RAPGEF6: variants seen among roughly 807,000 people sequenced by gnomAD.
RAPGEF6 encodes the protein PDZ domain containing guanine nucleotide exchange factor (GEF) 2.
Under a neutral mutation model 171.4 loss-of-function variants are expected in RAPGEF6, and 56 were observed. The ratio of observed to expected loss-of-function variants is 0.33; its 90% CI spans 0.26 to 0.41. The LOEUF is 0.41. Among genes scored for constraint, RAPGEF6 ranks in the 10% least tolerant of loss-of-function variants. The pLI, the probability that RAPGEF6 is intolerant of heterozygous loss-of-function variation, is 1.00. For synonymous variants in RAPGEF6, 692 were observed against 650.1 expected (o/e 1.06, Z -0.98); for missense variants, 1,674 against 1,921.4 (o/e 0.87, Z 2.41).
chr5:131,553,380 A>G (rs1581014617), intron 5 of RAPGEF6, among the ~76,000 whole-genome samples: 1 of 152,356 alleles, frequency 6.6e-6, no homozygotes, highest in East Asian at 1.9e-4. Flanking sequence ...CCAACATTAA[A>G]TCCAAAATTA....
At chr5:131,561,594 A>AG (rs1309311955) in intron 5 of RAPGEF6, among the ~76,000 whole-genome samples, 2 of 143,880 alleles carry the variant, frequency 1.4e-5, no homozygotes, top group Non-Finnish European at 1.5e-5. Context: ...TAGGAGGCGG[A>AG]GGTTGCAGTG....
intron 26 of RAPGEF6, 95 bp downstream of exon 26, chr5:131,430,764 T>A (rs769514841): frequency 6.7e-7 from 1 of 1,498,560 alleles, no homozygotes. Flanking sequence ...AGAGAATGAA[T>A]TTTTGCGACG....
At chr5:131,468,626 T>C (rs1298368947) in intron 17 of RAPGEF6, among the ~76,000 whole-genome samples, 3 of 152,148 alleles carry the variant, frequency 2.0e-5, no homozygotes, top group Non-Finnish European at 4.4e-5. Flanking sequence ...AATTGTTAAT[T>C]GTTGAATAAA....
rs747899109 is a variant in RAPGEF6 at position 131,521,421 on chromosome 5, G to A, written c.596C>T (p.Ser199Phe). 2 of 1,611,148 alleles carry A rather than the reference G, an allele frequency of 1.2e-6. No homozygotes were observed. The highest frequency in any genetic ancestry group is 1.7e-6 in the Non-Finnish European group (2 of 1,178,432). Residue 199 changes from serine (S) to phenylalanine (F), a missense_variant, in exon 7 of 28, where the codon TCT (serine) becomes TTT (phenylalanine). Physicochemically the swap from Ser to Phe is radical, Grantham distance 155. This residue lies in a region of RAPGEF6 where 1,116 missense variants were observed against 1,321.5 expected (regional missense o/e 0.84). Coordinates refer to ENST00000509018, the MANE Select transcript of RAPGEF6 (RefSeq NM_016340.6). ...SQSGCSIASD[S>F]GSSSLSDIYQ... ...GATATCAGATAAACTGCTGCTTCCAGAGTCACTGGCAATGCTACAACCAGA... is the reference window on the plus strand; with the variant it reads ...GATATCAGATAAACTGCTGCTTCCAAAGTCACTGGCAATGCTACAACCAGA...
chr5:131,446,505 C>A lies in RAPGEF6; in HGVS notation c.3399G>T (p.Gln1133His). Residue 1133 changes from glutamine to histidine, a missense_variant, in exon 22 of 28, where the codon CAG becomes CAT. Gln to His is a conservative substitution (Grantham distance 24). This residue lies in a region of RAPGEF6 where 552 missense variants were observed against 574.2 expected (regional missense o/e 0.96). Coordinates refer to ENST00000509018, the MANE Select transcript of RAPGEF6 (RefSeq NM_016340.6). ...CACAGGTACCATATGCAGGCTCCCA[C>A]TGTAATGACATCATCTGGAACTTCT... ...DEEKFQMMSLQWEPAYGTLTK... is the reference protein window; with the variant it reads ...DEEKFQMMSLHWEPAYGTLTK... 6.2e-7 allele frequency: 1 copy of A among 1,614,114 alleles called. No individual in the cohort carries two copies. Among genetic ancestry groups the A allele is most frequent in the South Asian group, 1.1e-5 (1 of 91,072 alleles).
At chr5:131,477,813 A>G (rs1755207601) in intron 16 of RAPGEF6, among the ~76,000 whole-genome samples, 1 of 152,076 alleles carries the variant, frequency 6.6e-6, no homozygotes, top group Non-Finnish European at 1.5e-5. Context: ...AAAACCCATT[A>G]AGGCTTCTGG....
intron 1 of RAPGEF6, among the ~76,000 whole-genome samples, chr5:131,630,099 GA>G (rs1289464392): frequency 6.6e-6 from 1 of 152,150 alleles, no homozygotes; most frequent in Non-Finnish European, 1.5e-5. Flanking sequence ...TTTCATGAAA[GA>G]AAGTCAATTG....
chr5:131,474,897 C>T (rs893451287), intron 16 of RAPGEF6, among the ~76,000 whole-genome samples: 1 of 152,092 alleles, frequency 6.6e-6, no homozygotes, highest in Admixed American at 6.5e-5. Context: ...TTGTCCAGTC[C>T]TACTAATAAT....
chr5:131,475,856 C>T (rs1580884384), intron 16 of RAPGEF6, among the ~76,000 whole-genome samples: 1 of 152,164 alleles, frequency 6.6e-6, no homozygotes, highest in Non-Finnish European at 1.5e-5. Flanking sequence ...TATGACAACT[C>T]ATCCTCTACT....
At chr5:131,542,958 T>C (rs552173589) in intron 6 of RAPGEF6, among the ~76,000 whole-genome samples, 3 of 152,326 alleles carry the variant, frequency 2.0e-5, no homozygotes, top group African/African-American at 7.2e-5. Flanking sequence ...GGTTATTTAC[T>C]TGTACATTGT....
At chr5:131,445,197 A>C (rs1296447624) in intron 22 of RAPGEF6, among the ~76,000 whole-genome samples, 2 of 152,136 alleles carry the variant, frequency 1.3e-5, no homozygotes, top group African/African-American at 4.8e-5. Context: ...CATACTCCAA[A>C]TCTTTTCTTA....
At chr5:131,489,419 C>T (rs763712880) in intron 15 of RAPGEF6, 127 bp downstream of exon 15, 18 of 619,368 alleles carry the variant, frequency 2.9e-5, no homozygotes, top group Non-Finnish European at 4.8e-5. Flanking sequence ...ACTAAAGATT[C>T]TGAAACTAGC....
At chr5:131,460,654 T>TG (rs1753856913) in intron 19 of RAPGEF6, among the ~76,000 whole-genome samples, 1 of 152,186 alleles carries the variant, frequency 6.6e-6, no homozygotes, top group Non-Finnish European at 1.5e-5. Flanking sequence ...ACTGACACAT[T>TG]GCTACTATAT....
intron 22 of RAPGEF6, among the ~76,000 whole-genome samples, chr5:131,445,491 C>CTG (rs1447178128): frequency 9.9e-5 from 8 of 80,832 alleles, no homozygotes; most frequent in South Asian, 6.7e-4. Context: ...TTAACTCACT[C>CTG]TCTGTGTGTG....
rs1452946479 is a variant in RAPGEF6 at position 131,498,486 on chromosome 5, A to T, written c.1376T>A (p.Ile459Asn). The T allele has an allele frequency of 1.2e-6, 2 of 1,613,664 alleles. No homozygotes were observed. The highest frequency in any genetic ancestry group is 1.7e-6 in the Non-Finnish European group (2 of 1,179,914). The change falls in exon 12 of 28, where the codon ATC (isoleucine) becomes AAC (asparagine). Residue 459 changes from isoleucine to asparagine, a missense_variant. Coordinates refer to ENST00000509018, the MANE Select transcript of RAPGEF6 (RefSeq NM_016340.6). The stretch of plus-strand genomic sequence containing the variant: ...GATCTTAAACCATTCCAATAGTTTG[A>T]TCCCAACATCCAAAGGACTTTCAAG... ...TFLESPLDVG[I>N]KLLEWFKIDS...
chr5:131,555,795 T>C (rs956665740), intron 5 of RAPGEF6, among the ~76,000 whole-genome samples: 5 of 152,142 alleles, frequency 3.3e-5, no homozygotes, highest in Non-Finnish European at 7.4e-5. Flanking sequence ...CGTGCGTCTA[T>C]ATACACACAT....
At chr5:131,427,544 A>T (rs1751449708) in intron 27 of RAPGEF6, among the ~76,000 whole-genome samples, 1 of 152,332 alleles carries the variant, frequency 6.6e-6, no homozygotes, top group Non-Finnish European at 1.5e-5. Context: ...TTTTCAATAA[A>T]ACAATCATTT....
In RAPGEF6 at chr5:131,455,890, T is replaced by C; in HGVS notation, c.2987A>G (p.Tyr996Cys). ...IFDPSRNMAK[Y>C]RNILSSQSMQ... ...ACTTTGACTACTAAGAATATTTCTA[T>C]ACTTTGCCATGTTTCTAGATGGATC... Residue 996 changes from tyrosine (Y) to cysteine (C), a missense_variant, in exon 20 of 28, where the codon TAT becomes TGT. Transcript: ENST00000509018. 1 of 1,613,958 alleles carries C rather than the reference T, an allele frequency of 6.2e-7. No individual in the cohort carries two copies. Among genetic ancestry groups the C allele is most frequent in the Non-Finnish European group, 8.5e-7 (1 of 1,179,824 alleles).
chr5:131,593,050 CA>C (rs965617914), intron 3 of RAPGEF6, among the ~76,000 whole-genome samples: 5 of 152,252 alleles, frequency 3.3e-5, no homozygotes, highest in African/African-American at 1.2e-4. Flanking sequence ...AAGATTAAAA[CA>C]GACAATTCTT....
Sources: gnomAD v4.1 joint callset for allele counts (sites outside exome capture counted in the v4.1 genomes callset) on GRCh38, gnomAD v4.1.1 for gene constraint, gnomAD v4.1.1 regional missense constraint, MANE v1.5 for transcripts, NCBI Gene and HGNC (gene_info 2026-07-23, HGNC 2026-07-21) for gene names.